Variants in NSUN7 observed in about 807,000 individuals in gnomAD.
NSUN7 encodes the protein protein NSUN7.
Under a neutral mutation model 58.5 loss-of-function variants are expected in NSUN7, and 39 were observed. That is an observed-to-expected ratio of 0.67 (90% CI 0.52 to 0.87). The LOEUF is 0.87. Among genes scored for constraint, NSUN7 ranks in the 40% least tolerant of loss-of-function variants. The pLI, the probability that NSUN7 is intolerant of heterozygous loss-of-function variation, is 0.00. For missense variants in NSUN7, 765 were observed against 844.1 expected, an observed-to-expected ratio of 0.91 and a Z score of 1.16; for synonymous variants, 278 against 303.7, an observed-to-expected ratio of 0.92 and a Z score of 0.88.
In NSUN7 at chr4:40,785,396, G is replaced by GT. The variant is rs1192822215; in HGVS notation, c.1037-5204dup. Among the ~76,000 whole-genome samples, 3 of 152,054 alleles carry GT rather than the reference G, an allele frequency of 2.0e-5. No individual in the cohort carries two copies. In the East Asian group the frequency reaches 5.8e-4, roughly 29 times the overall value. Reference sequence around the variant, plus strand: ...TTTTTTGAGATGGAGTTTCACTCTTGTTGCCCAGGCTGGAGTGCAATGGCG... The same window carrying GT: ...TTTTTTGAGATGGAGTTTCACTCTTGTTTGCCCAGGCTGGAGTGCAATGGCG... On this transcript the variant is annotated intron_variant, in intron 7 of 11. Coordinates refer to ENST00000381782, the MANE Select transcript of NSUN7 (RefSeq NM_024677.6).
chr4:40,762,930 T>TGATCCTTATGAGATCATCTAATGCTTGAG (rs1741529262), intron 4 of NSUN7, among the ~76,000 whole-genome samples: 1 of 152,198 alleles, frequency 6.6e-6, no homozygotes, highest in Non-Finnish European at 1.5e-5. Flanking sequence ...TAATGCTTGA[T>TGATCCTTATGAGATCATCTAATGCTTGAG]GATCTGAGGT....
chr4:40,796,857 A>G (rs1743343447), intron 9 of NSUN7, among the ~76,000 whole-genome samples: 1 of 152,088 alleles, frequency 6.6e-6, no homozygotes, highest in Admixed American at 6.6e-5. Context: ...AACTTCTTTG[A>G]ATGTCCTCCC....
intron 4 of NSUN7, among the ~76,000 whole-genome samples, chr4:40,766,952 G>A (rs1409998245): frequency 1.0e-4 from 15 of 150,102 alleles, no homozygotes; most frequent in African/African-American, 3.2e-4. Context: ...TTTTTATTGC[G>A]TCTATTTGAT....
At chr4:40,799,078 T>TGTTTTG (rs61269224) in intron 10 of NSUN7, among the ~76,000 whole-genome samples, 174 bp downstream of exon 10, 2 of 129,194 alleles carry the variant, frequency 1.5e-5, no homozygotes, top group African/African-American at 3.0e-5. Flanking sequence ...TTTTTCTTTT[T>TGTTTTG]TTTTTTTTTT....
Position 40,774,377 on chromosome 4 carries a change from A to G in NSUN7, c.601A>G (p.Thr201Ala), listed in dbSNP as rs769223263. 1 of 1,614,054 alleles carries G rather than the reference A, an allele frequency of 6.2e-7. No homozygotes were observed. Among genetic ancestry groups the G allele is most frequent in the South Asian group, 1.1e-5 (1 of 91,080 alleles). ...TAGGAAACAGGAACTAAGGGCCTCC[A>G]CTTTACCACTTTATGCTTGGATAAA... ...TVRKQELRAS[T>A]LPLYAWINTC... The change falls in exon 5 of 12, where the codon ACT becomes GCT. Residue 201 changes from threonine to alanine, a missense_variant. Transcript: ENST00000381782.
intron 4 of NSUN7, among the ~76,000 whole-genome samples, chr4:40,770,289 G>A (rs1299615321): frequency 1.3e-5 from 2 of 151,798 alleles, no homozygotes; most frequent in East Asian, 3.9e-4. Context: ...GTGTCGTTAG[G>A]TGATTTCTTC....
At chr4:40,757,698 T>C (rs1212304219) in intron 2 of NSUN7, among the ~76,000 whole-genome samples, 3 of 131,730 alleles carry the variant, frequency 2.3e-5, no homozygotes, top group Admixed American at 8.1e-5. Flanking sequence ...ACTGTGTATA[T>C]ATATACATTG....
At chr4:40,799,399 C>T (rs1214853057) in intron 10 of NSUN7, among the ~76,000 whole-genome samples, 1 of 151,584 alleles carries the variant, frequency 6.6e-6, no homozygotes, top group Non-Finnish European at 1.5e-5. Context: ...GTGGCTCACA[C>T]CTGTAATCCC....
Position 40,811,155 on chromosome 4 carries a change from G to A in NSUN7, c.*2216G>A, listed in dbSNP as rs1267485652. The A allele has an allele frequency of 6.6e-6, 1 of 152,164 alleles. No homozygotes were observed. The highest frequency in any genetic ancestry group is 2.4e-5 in the African/African-American group (1 of 41,428). The allele number at this position is 152,164 out of a possible 1,614,324, so 9.4% of individuals were successfully genotyped here. A position where few individuals can be genotyped will look rare whatever the true frequency, so the allele number is the denominator to read the frequency against. ...ATTTTTCTCTTTAGAAGTATATGAA[G>A]ATTCTGAATTAAACCATTCATTAAT... is the stretch of plus-strand genomic sequence containing the variant. On this transcript the variant is annotated 3_prime_UTR_variant, in exon 12 of 12. Coordinates refer to ENST00000381782, the MANE Select transcript of NSUN7 (RefSeq NM_024677.6).
At chr4:40,753,280 C>CT (rs771038149) in intron 2 of NSUN7, among the ~76,000 whole-genome samples, 363 of 138,946 alleles carry the variant, frequency 2.6e-3, no homozygotes, top group Middle Eastern at 7.5e-3. Flanking sequence ...TTTTATCTTT[C>CT]TTTTTTTTTT....
At chr4:40,754,790 A>C (rs1741056866) in intron 2 of NSUN7, among the ~76,000 whole-genome samples, 1 of 152,234 alleles carries the variant, frequency 6.6e-6, no homozygotes, top group South Asian at 2.1e-4. Flanking sequence ...TCTCTTAATT[A>C]TACTAATGTT....
chr4:40,804,094 C>T (rs1000953498), intron 10 of NSUN7, among the ~76,000 whole-genome samples: 5 of 152,152 alleles, frequency 3.3e-5, no homozygotes, highest in Admixed American at 1.3e-4. Flanking sequence ...TCATTCTATC[C>T]GTTGATTTAT....
intron 7 of NSUN7, among the ~76,000 whole-genome samples, chr4:40,776,995 A>T (rs1369481444): frequency 6.6e-6 from 1 of 152,232 alleles, no homozygotes; most frequent in East Asian, 1.9e-4. Flanking sequence ...ACATTTTATT[A>T]TAGGTTCAGC....
chr4:40,790,061 C>A (rs1743008013), intron 7 of NSUN7, among the ~76,000 whole-genome samples: 1 of 118,214 alleles, frequency 8.5e-6, no homozygotes, highest in Admixed American at 1.1e-4. Flanking sequence ...AACCCTCCCC[C>A]ACCTTTTTTT....
chr4:40,777,451 A>C (rs954938144), intron 7 of NSUN7, among the ~76,000 whole-genome samples: 1 of 151,980 alleles, frequency 6.6e-6, no homozygotes, highest in Non-Finnish European at 1.5e-5. Context: ...CTCCTGCCTC[A>C]ACCTCCTGAG....
intron 7 of NSUN7, among the ~76,000 whole-genome samples, chr4:40,790,177 T>C (rs764250137): frequency 7.9e-5 from 12 of 151,072 alleles, no homozygotes; most frequent in Non-Finnish European, 1.2e-4. Context: ...CACGCTAAGC[T>C]TAACTACTTT....
intron 4 of NSUN7, among the ~76,000 whole-genome samples, chr4:40,768,796 AAG>A (rs766789624): frequency 1.1e-4 from 16 of 152,330 alleles, no homozygotes; most frequent in South Asian, 2.1e-4. Flanking sequence ...AGGTTAAAAA[AAG>A]AGAGACCACA....
rs768599133 is a variant in NSUN7 at position 40,808,820 on chromosome 4, G to A, written c.2038G>A (p.Val680Ile). The A allele has an allele frequency of 3.9e-5, 60 of 1,549,382 alleles. No individual in the cohort carries two copies. Among genetic ancestry groups the A allele is most frequent in the Non-Finnish European group, 5.1e-5 (58 of 1,146,640 alleles). Residue 680 changes from valine (V) to isoleucine (I), a missense_variant, in exon 12 of 12, where the codon GTT becomes ATT. By Grantham distance (29) the Val-to-Ile change is conservative. Coordinates refer to ENST00000381782, the MANE Select transcript of NSUN7 (RefSeq NM_024677.6). ...MPTQHLYCRW[V>I]APKALVPTCL... ...AACTCAACATTTGTACTGTCGTTGG[G>A]TTGCACCCAAGGCACTTGTGCCCAC... is the stretch of plus-strand genomic sequence containing the variant.
chr4:40,791,209 AACT>A (rs1743059851), intron 8 of NSUN7, among the ~76,000 whole-genome samples: 1 of 152,240 alleles, frequency 6.6e-6, no homozygotes, highest in Non-Finnish European at 1.5e-5. Flanking sequence ...GATTATTTCA[AACT>A]CAAAGGTGTC....
Sources: allele counts gnomAD v4.1 joint callset (sites outside exome capture counted in the v4.1 genomes callset), GRCh38; gene constraint gnomAD v4.1.1; transcripts MANE v1.5; gene names NCBI Gene and HGNC (gene_info 2026-07-23, HGNC 2026-07-21).